Variants in MIGA1 observed in about 807,000 individuals in gnomAD.
MIGA1 encodes mitoguardin 1.
MIGA1 carries 58 observed loss-of-function variants against 82.0 expected under a neutral mutation model. That is an observed-to-expected ratio of 0.71 (90% CI 0.57 to 0.88). The LOEUF is 0.88. MIGA1 is among the 40% of genes least tolerant of loss of function. The pLI, the probability that MIGA1 is intolerant of heterozygous loss-of-function variation, is 0.00. For synonymous variants in MIGA1, 249 were observed against 253.6 expected (o/e 0.98, Z 0.17); for missense variants, 751 against 749.1 (o/e 1.00, Z -0.03).
intron 5 of MIGA1, chr1:77,810,773 T>G: frequency 2.0e-5 from 28 of 1,384,596 alleles, no homozygotes; most frequent in Non-Finnish European, 2.7e-5. Flanking sequence ...GCTTCCTGCC[T>G]GTTGAAGGGT....
At chr1:77,791,567 T>G (rs1045086067) in intron 2 of MIGA1, among the ~76,000 whole-genome samples, 5 of 150,898 alleles carry the variant, frequency 3.3e-5, no homozygotes, top group South Asian at 2.1e-4. Flanking sequence ...AAGTTTTTTT[T>G]TTTTTTTTTT....
chr1:77,790,262 C>T (rs1682358117), intron 2 of MIGA1, among the ~76,000 whole-genome samples: 1 of 152,138 alleles, frequency 6.6e-6, no homozygotes, highest in South Asian at 2.1e-4. Flanking sequence ...CCTCTTGCAT[C>T]CTCTTTATAA....
In MIGA1 at chr1:77,779,752, C is replaced by T. The variant is rs781346316; in HGVS notation, c.81+16C>T. 3.3e-5 allele frequency: 24 copies of T among 722,864 alleles called. No homozygotes were observed. Among genetic ancestry groups the T allele is most frequent in the Non-Finnish European group, 4.8e-5 (22 of 456,022 alleles). The allele number at this position is 722,864 out of a possible 1,614,324, so 44.8% of individuals were successfully genotyped here. On this transcript the variant is annotated intron_variant, in intron 1 of 15. Transcript: ENST00000370791. ...GGAGCTCCAGGTACAGGGCCAGGGGCGGGGTGGGGTGGAGAGGCGGGCGGG... is the reference window on the plus strand; with the variant it reads ...GGAGCTCCAGGTACAGGGCCAGGGGTGGGGTGGGGTGGAGAGGCGGGCGGG...
intron 2 of MIGA1, among the ~76,000 whole-genome samples, chr1:77,784,350 A>G (rs1284246235): frequency 2.6e-5 from 4 of 152,010 alleles, no homozygotes; most frequent in African/African-American, 4.8e-5. Context: ...TCAGCCTCTC[A>G]AGTAGCTGGG....
chr1:77,864,741 A>G (rs942857892), intron 13 of MIGA1, among the ~76,000 whole-genome samples: 1 of 152,198 alleles, frequency 6.6e-6, no homozygotes, highest in African/African-American at 2.4e-5. Flanking sequence ...GAAATAATGT[A>G]TGGAAACTGA....
chr1:77,787,754 T>C (rs1330182841), intron 2 of MIGA1, among the ~76,000 whole-genome samples: 1 of 152,180 alleles, frequency 6.6e-6, no homozygotes, highest in Non-Finnish European at 1.5e-5. Context: ...AGTCTGGATA[T>C]TAATTCCTTG....
chr1:77,844,818 C>CA (rs774320453), intron 8 of MIGA1, among the ~76,000 whole-genome samples: 4 of 151,998 alleles, frequency 2.6e-5, no homozygotes, highest in Admixed American at 6.6e-5. Flanking sequence ...ACCATCCCTA[C>CA]AAAAAATTAA....
intron 2 of MIGA1, among the ~76,000 whole-genome samples, chr1:77,799,705 T>C (rs1184380229): frequency 6.6e-6 from 1 of 152,122 alleles, no homozygotes; most frequent in East Asian, 1.9e-4. Flanking sequence ...TCCTTTGTGG[T>C]CATAGAATTG....
At chr1:77,855,700 C>T (rs1571001992) in intron 8 of MIGA1, among the ~76,000 whole-genome samples, 1 of 149,654 alleles carries the variant, frequency 6.7e-6, no homozygotes, top group Non-Finnish European at 1.5e-5. Context: ...TCTGCTTGGT[C>T]GCTGTTGGTG....
chr1:77,830,989 G>A (rs1684221989), intron 7 of MIGA1, among the ~76,000 whole-genome samples: 1 of 152,126 alleles, frequency 6.6e-6, no homozygotes, highest in South Asian at 2.1e-4. Context: ...AGCAATATAA[G>A]TTAGTATATT....
chr1:77,813,604 A>T, intron 5 of MIGA1, 130 bp from the exon 6 acceptor site: 1 of 955,992 alleles, frequency 1.0e-6, no homozygotes, highest in Non-Finnish European at 1.6e-6. Flanking sequence ...TCATGAAATG[A>T]TGTATGATTC....
At chr1:77,846,228 C>T (rs1684834781) in intron 8 of MIGA1, among the ~76,000 whole-genome samples, 2 of 152,044 alleles carry the variant, frequency 1.3e-5, no homozygotes, top group Admixed American at 6.6e-5. Context: ...TGGAATCATA[C>T]CATGCGATAT....
chr1:77,819,431 G>A (rs944654527), intron 7 of MIGA1, among the ~76,000 whole-genome samples: 16 of 149,860 alleles, frequency 1.1e-4, no homozygotes, highest in African/African-American at 3.5e-4. Flanking sequence ...TTACAGGCAC[G>A]TGCCACCATG....
At chr1:77,782,117 A>G (rs530220999) in intron 1 of MIGA1, among the ~76,000 whole-genome samples, 2 of 152,154 alleles carry the variant, frequency 1.3e-5, no homozygotes, top group Non-Finnish European at 2.9e-5. Flanking sequence ...GTGCTCAGGC[A>G]TGAGCCACTC....
chr1:77,840,443 A>G (rs1250548709), intron 7 of MIGA1, among the ~76,000 whole-genome samples: 1 of 152,212 alleles, frequency 6.6e-6, no homozygotes, highest in Non-Finnish European at 1.5e-5. Context: ...CACTAGATAA[A>G]TGTCTGTATT....
intron 7 of MIGA1, among the ~76,000 whole-genome samples, chr1:77,822,039 C>CCA (rs1309717325): frequency 4.6e-5 from 7 of 151,840 alleles, no homozygotes; most frequent in East Asian, 1.9e-4. Flanking sequence ...ACCTTACACA[C>CCA]CACACACACA....
intron 7 of MIGA1, among the ~76,000 whole-genome samples, chr1:77,835,272 G>T (rs1487850408): frequency 6.6e-6 from 1 of 152,216 alleles, no homozygotes; most frequent in Non-Finnish European, 1.5e-5. Flanking sequence ...GATCCAGTCA[G>T]ATTTTTGGCC....
At position 77,807,110 on chromosome 1, in the gene MIGA1, G is replaced by T; in HGVS notation, c.637+9G>T. The stretch of plus-strand genomic sequence containing the variant: ...GAACTTATACTTAATGGGTAGGAAT[G>T]AGATGATAACATTTTAAGATACTGT... On this transcript the variant is annotated intron_variant, in intron 5 of 15. Coordinates refer to ENST00000370791, the MANE Select transcript of MIGA1 (RefSeq NM_198549.4). The T allele has an allele frequency of 6.4e-7, 1 of 1,562,448 alleles. No individual in the cohort carries two copies. The highest frequency in any genetic ancestry group is 1.2e-5 in the South Asian group (1 of 85,630).
intron 7 of MIGA1, among the ~76,000 whole-genome samples, chr1:77,841,489 T>C (rs1233922935): frequency 6.6e-6 from 1 of 150,878 alleles, no homozygotes; most frequent in Non-Finnish European, 1.5e-5. Flanking sequence ...AGGAATTATA[T>C]TCCAAGTAGA....
Sources: allele counts gnomAD v4.1 joint callset (sites outside exome capture counted in the v4.1 genomes callset), GRCh38; gene constraint gnomAD v4.1.1; transcripts MANE v1.5; gene names NCBI Gene and HGNC (gene_info 2026-07-23, HGNC 2026-07-21).